CNTNAP2: variants seen among roughly 807,000 people sequenced by gnomAD.
CNTNAP2 encodes contactin-associated protein-like 2.
Under a neutral mutation model 155.2 loss-of-function variants are expected in CNTNAP2, and 98 were observed. The observed-to-expected ratio is 0.63, with a 90% confidence interval of 0.54 to 0.75. The LOEUF (loss-of-function observed/expected upper bound fraction) is 0.75. Ranked by LOEUF, CNTNAP2 falls within the 30% of genes least tolerant of loss-of-function variation. CNTNAP2 has a pLI of 0.00. For missense variants in CNTNAP2, 1,727 were observed against 1,688.1 expected (o/e 1.02, Z -0.40); for synonymous variants, 651 against 631.2 (o/e 1.03, Z -0.47).
chr7:148,257,576 C>T (rs754029448), intron 20 of CNTNAP2, among the ~76,000 whole-genome samples: 3 of 152,106 alleles, frequency 2.0e-5, no homozygotes, highest in Non-Finnish European at 4.4e-5. Flanking sequence ...GAGGGATGGC[C>T]GCAGGGCTTG....
chr7:146,319,058 A>G (rs981058238), intron 1 of CNTNAP2, among the ~76,000 whole-genome samples: 1 of 152,012 alleles, frequency 6.6e-6, no homozygotes, highest in Non-Finnish European at 1.5e-5. Flanking sequence ...TAGGGGTGGG[A>G]TTTGAGCTCC....
intron 1 of CNTNAP2, among the ~76,000 whole-genome samples, chr7:146,717,781 G>A (rs144669559): frequency 3.1e-4 from 47 of 152,050 alleles, no homozygotes; most frequent in African/African-American, 1.1e-3. Flanking sequence ...TGCCAGGGAC[G>A]CCACACAGCT....
chr7:146,893,645 G>C (rs576135529), intron 3 of CNTNAP2, among the ~76,000 whole-genome samples: 1 of 152,196 alleles, frequency 6.6e-6, no homozygotes, highest in Admixed American at 6.5e-5. Context: ...AAGAAGTTTG[G>C]TGAATGATAG....
At chr7:148,078,227 C>A (rs1444989351) in intron 15 of CNTNAP2, among the ~76,000 whole-genome samples, 1 of 151,918 alleles carries the variant, frequency 6.6e-6, no homozygotes, top group Non-Finnish European at 1.5e-5. Flanking sequence ...GCATGCCAGG[C>A]TCATTTTTGT....
rs569709014 is a variant in CNTNAP2 at position 147,470,035 on chromosome 7, T to C, written c.1671-15900T>C. ...GGCAGAGTGAGCAGGAGGAATTCAATAGGAATTGAATGAGGTGGGGTGGAG... is the reference window on the plus strand; with the variant it reads ...GGCAGAGTGAGCAGGAGGAATTCAACAGGAATTGAATGAGGTGGGGTGGAG... On this transcript the variant is annotated intron_variant, in intron 10 of 23. Transcript: ENST00000361727. Among the ~76,000 whole-genome samples the C allele has an allele frequency of 2.0e-5, 3 of 152,232 alleles. No individual in the cohort carries two copies. The South Asian group carries it at 6.2e-4, about 32-fold the overall frequency.
intron 3 of CNTNAP2, among the ~76,000 whole-genome samples, chr7:146,957,972 A>G (rs951102568): frequency 1.3e-5 from 2 of 152,328 alleles, no homozygotes; most frequent in South Asian, 4.1e-4. Context: ...ATTTAGATGT[A>G]CAGAATTTAT....
chr7:146,558,566 CTTTT>C (rs1309179348), intron 1 of CNTNAP2, among the ~76,000 whole-genome samples: 1 of 151,998 alleles, frequency 6.6e-6, no homozygotes, highest in Non-Finnish European at 1.5e-5. Context: ...TTCCTTCTTC[CTTTT>C]TATTTATTTA....
intron 8 of CNTNAP2, among the ~76,000 whole-genome samples, chr7:147,235,602 T>C (rs957585999): frequency 2.6e-5 from 4 of 152,180 alleles, no homozygotes; most frequent in Non-Finnish European, 5.9e-5. Flanking sequence ...AAAAGTGTCC[T>C]ATTTTATTTA....
chr7:147,644,987 T>A (rs1795342995), intron 13 of CNTNAP2, among the ~76,000 whole-genome samples: 1 of 152,142 alleles, frequency 6.6e-6, no homozygotes, highest in Admixed American at 6.5e-5. Context: ...TTTTCCTCTT[T>A]TAATTTTTCA....
intron 12 of CNTNAP2, among the ~76,000 whole-genome samples, chr7:147,607,024 A>C (rs914293803): frequency 6.6e-6 from 1 of 152,100 alleles, no homozygotes; most frequent in Non-Finnish European, 1.5e-5. Context: ...TGAATATGTT[A>C]ACTGTGCTAT....
chr7:147,505,784 G>A (rs11765290), intron 11 of CNTNAP2, among the ~76,000 whole-genome samples: 68,595 of 151,912 alleles, frequency 0.45, 16,461 homozygotes, highest in African/African-American at 0.61. Context: ...ACTGGCACTC[G>A]GTAAAAGCTT....
intron 8 of CNTNAP2, among the ~76,000 whole-genome samples, chr7:147,272,743 AT>A (rs1300016477): frequency 6.7e-6 from 1 of 150,120 alleles, no homozygotes; most frequent in Non-Finnish European, 1.5e-5. Flanking sequence ...TCCTGACATC[AT>A]GATCCACCCG....
intron 1 of CNTNAP2, among the ~76,000 whole-genome samples, chr7:146,453,231 G>T (rs6953976): frequency 0.032 from 4,891 of 152,254 alleles, 194 homozygotes; most frequent in African/African-American, 0.09. Flanking sequence ...AATAACTACT[G>T]AAATGATTAA....
intron 21 of CNTNAP2, among the ~76,000 whole-genome samples, chr7:148,322,040 C>T (rs186994716): frequency 8.9e-4 from 135 of 152,088 alleles, no homozygotes; most frequent in African/African-American, 2.9e-3. Flanking sequence ...CCCCCTCCCC[C>T]ACCCCAACTA....
intron 4 of CNTNAP2, among the ~76,000 whole-genome samples, chr7:147,053,780 A>G (rs1215001858): frequency 6.6e-6 from 1 of 152,164 alleles, no homozygotes; most frequent in Non-Finnish European, 1.5e-5. Flanking sequence ...AAACAAAAGT[A>G]TATATACACA....
At chr7:146,764,194 A>G (rs1429337205) in intron 1 of CNTNAP2, among the ~76,000 whole-genome samples, 16 of 152,186 alleles carry the variant, frequency 1.1e-4, no homozygotes, top group Admixed American at 1.0e-3. Context: ...AAGTTCATTT[A>G]GTCATATTGT....
chr7:146,637,054 A>C (rs1799611664), intron 1 of CNTNAP2, among the ~76,000 whole-genome samples: 1 of 152,180 alleles, frequency 6.6e-6, no homozygotes, highest in Non-Finnish European at 1.5e-5. Context: ...GTCAGCAACA[A>C]ATTTAATTAA....
chr7:148,240,382 T>G (rs887880912), intron 20 of CNTNAP2, among the ~76,000 whole-genome samples: 1 of 152,146 alleles, frequency 6.6e-6, no homozygotes, highest in African/African-American at 2.4e-5. Flanking sequence ...ACAAGTCTCC[T>G]TATCAACATG....
intron 15 of CNTNAP2, 73 bp from the exon 16 acceptor site, chr7:148,118,045 C>T: frequency 1.3e-6 from 2 of 1,499,764 alleles, no homozygotes; most frequent in South Asian, 2.3e-5. Context: ...TAAACTCAAG[C>T]AATGGGTATC....
Sources: allele counts gnomAD v4.1 joint callset (sites outside exome capture counted in the v4.1 genomes callset), GRCh38; gene constraint gnomAD v4.1.1; transcripts MANE v1.5; gene names NCBI Gene and HGNC (gene_info 2026-07-23, HGNC 2026-07-21).